The following ACCS variants were observed in gnomAD, a reference collection of about 807,000 sequenced individuals.
ACCS encodes the protein 1-aminocyclopropane-1-carboxylate synthase-like protein 1.
In ACCS, 42 loss-of-function variants were observed where a neutral mutation model predicts 59.8. The ratio of observed to expected loss-of-function variants is 0.70; its 90% CI spans 0.55 to 0.91. The LOEUF is 0.91. ACCS is among the 40% of genes least tolerant of loss of function. ACCS has a pLI of 0.00. For missense variants in ACCS, 602 were observed against 630.4 expected (o/e 0.95, Z 0.48); for synonymous variants, 230 against 240.3 (o/e 0.96, Z 0.40).
intron 2 of ACCS, 89 bp from the exon 3 acceptor site, chr11:44,071,167 C>A: frequency 1.4e-6 from 2 of 1,390,546 alleles, no homozygotes; most frequent in Admixed American, 1.7e-5. Context: ...AGAGCTCCCA[C>A]TTTGCTTTGC....
At chr11:44,080,547 A>G (rs1288853803) in intron 10 of ACCS, 1 of 166,500 alleles carries the variant, frequency 6.0e-6, no homozygotes, top group Non-Finnish European at 1.3e-5. Context: ...GTGAACAAGA[A>G]AGACATAGAC....
At chr11:44,073,194 G>T (rs1953143943) in intron 3 of ACCS, 1 of 525,270 alleles carries the variant, frequency 1.9e-6, no homozygotes, top group East Asian at 3.4e-5. Flanking sequence ...AAGAATGCCA[G>T]ACTAGGAGTC....
intron 9 of ACCS, 114 bp downstream of exon 9, chr11:44,078,898 G>C: frequency 2.4e-6 from 2 of 826,574 alleles, no homozygotes; most frequent in South Asian, 1.7e-5. Context: ...CTACTTGCTT[G>C]GGCCCTTCCT....
At position 44,077,334 on chromosome 11, in the gene ACCS, C is replaced by G. The variant is rs373577650; in HGVS notation, c.612C>G (p.Leu204=). The G allele has an allele frequency of 3.1e-6, 5 of 1,614,206 alleles. No homozygotes were observed. Among genetic ancestry groups the G allele is most frequent in the Non-Finnish European group, 4.2e-6 (5 of 1,180,024 alleles). The change falls in exon 7 of 15, where the codon CTC becomes CTG. Residue 204 remains leucine (L), a synonymous_variant. Transcript: ENST00000263776. ...GCGCTATCACACAGCACGTGTGTCTCTATGGCAACATCCGGCTGGCCTATG... is the reference window on the plus strand; with the variant it reads ...GCGCTATCACACAGCACGTGTGTCTGTATGGCAACATCCGGCTGGCCTATG... The part of the protein sequence containing the change: ...YYGAITQHVC[L]YGNIRLAYVY...
At chr11:44,078,037 G>T in intron 8 of ACCS, 115 bp downstream of exon 8, 1 of 1,327,796 alleles carries the variant, frequency 7.5e-7, no homozygotes, top group Non-Finnish European at 1.0e-6. Context: ...CGGTGATTGG[G>T]ACAGACAGGT....
In ACCS at chr11:44,067,694, G is replaced by A. The variant is rs761751860; in HGVS notation, c.67G>A (p.Asp23Asn). The A allele has an allele frequency of 4.3e-6, 7 of 1,614,190 alleles. No individual in the cohort carries two copies. The highest frequency in any genetic ancestry group is 5.9e-6 in the Non-Finnish European group (7 of 1,180,036). ...TTCLGPTCMQ[D>N]LGSSHGEDLE... Reference sequence around the variant, plus strand: ...CTGTCTGGGCCCCACCTGCATGCAGGACCTGGGCAGTAGCCATGGGGAAGA... The same window carrying A: ...CTGTCTGGGCCCCACCTGCATGCAGAACCTGGGCAGTAGCCATGGGGAAGA... The change falls in exon 2 of 15, where the codon GAC (aspartate) becomes AAC (asparagine). Residue 23 changes from aspartate (D) to asparagine (N), a missense_variant. Asp to Asn is a conservative substitution (Grantham distance 23, BLOSUM62 1). Coordinates refer to ENST00000263776, the MANE Select transcript of ACCS (RefSeq NM_032592.4).
chr11:44,070,420 A>G (rs1024481455), intron 2 of ACCS, among the ~76,000 whole-genome samples: 1 of 152,198 alleles, frequency 6.6e-6, no homozygotes, highest in African/African-American at 2.4e-5. Context: ...GGATGTGTGG[A>G]CAGATTGGCT....
rs1013037679 is a variant in ACCS, at chr11:44,078,838, A to G, written c.833+54A>G. 80 of 1,519,534 alleles carry G rather than the reference A, an allele frequency of 5.3e-5. 1 individual carries two copies. The highest frequency in any genetic ancestry group is 3.7e-4 in the South Asian group (32 of 87,240). 94.1% of individuals were successfully genotyped at this position (1,519,534 alleles called of 1,614,324 possible). On this transcript the variant is annotated intron_variant, in intron 9 of 14. Coordinates refer to ENST00000263776, the MANE Select transcript of ACCS (RefSeq NM_032592.4). Reference sequence around the variant, plus strand: ...AGCGTCTGGGCAGCCTGGGGTTCCAATGCGGGTTTGGTGCAGGTTTTTCTA... The same window carrying G: ...AGCGTCTGGGCAGCCTGGGGTTCCAGTGCGGGTTTGGTGCAGGTTTTTCTA...
Position 44,081,003 on chromosome 11 carries a change from T to A in ACCS, c.924-17T>A. ...TAGTTCTGTGTTGCCTCTGTTCCCA[T>A]GCTGTGCTCTCTGCAGGCTCCCTGA... On this transcript the variant is annotated splice_polypyrimidine_tract_variant and intron_variant, in intron 10 of 14. Coordinates refer to ENST00000263776, the MANE Select transcript of ACCS (RefSeq NM_032592.4). 1 of 1,614,174 alleles carries A rather than the reference T, an allele frequency of 6.2e-7. No homozygotes were observed.
At chr11:44,077,157 A>G (rs1370483649) in intron 6 of ACCS, 122 bp from the exon 7 acceptor site, 10 of 1,092,636 alleles carry the variant, frequency 9.2e-6, no homozygotes, top group Non-Finnish European at 1.3e-5. Flanking sequence ...TTAAGAGTGC[A>G]AGTATGCCCC....
rs1240171166 is a variant in ACCS, at chr11:44,073,528, G to A, written c.419+11G>A. The A allele has an allele frequency of 6.3e-7, 1 of 1,597,816 alleles. No homozygotes were observed. Among genetic ancestry groups the A allele is most frequent in the South Asian group, 1.1e-5 (1 of 88,330 alleles). On this transcript the variant is annotated intron_variant, in intron 4 of 14. Transcript: ENST00000263776. ...GAGGGGACATCTGTTGTAAGTAGTTGCCATAGGGTGAGTTTGTCCCCCTGG... is the reference window on the plus strand; with the variant it reads ...GAGGGGACATCTGTTGTAAGTAGTTACCATAGGGTGAGTTTGTCCCCCTGG...
chr11:44,080,767 A>G (rs905586597), intron 10 of ACCS: 6 of 553,178 alleles, frequency 1.1e-5, no homozygotes. Flanking sequence ...GCTAGGCTCT[A>G]GATCATGGCT....
rs909352193 is a variant in ACCS, at chr11:44,084,023, A to G, written c.*231A>G. ...ATTAAACAAAACTAGGAGAGTCCAT[A>G]TGTCTCCATTGTGAGTTATTTAGAA... is the stretch of plus-strand genomic sequence containing the variant. On this transcript the variant is annotated 3_prime_UTR_variant, in exon 15 of 15. Transcript: ENST00000263776. 2.9e-5 allele frequency: 23 copies of G among 801,054 alleles called. No individual in the cohort carries two copies. The Admixed American group carries it at 6.0e-4, about 21-fold the overall frequency. 49.6% of individuals were successfully genotyped at this position (801,054 alleles called of 1,614,324 possible).
At chr11:44,083,662 A>G in intron 14 of ACCS, 33 bp from the exon 15 acceptor site, 5 of 1,614,170 alleles carry the variant, frequency 3.1e-6, no homozygotes, top group Non-Finnish European at 4.2e-6. Context: ...CGTGGCCATC[A>G]GTGCCAACTG....
Position 44,084,096 on chromosome 11 carries a change from A to C in ACCS, c.*304A>C. ...AACCAGAGCCTCAGCCCCCCTGAGG[A>C]TGTGAAAAGAAAACAAACAACTTGT... On this transcript the variant is annotated 3_prime_UTR_variant, in exon 15 of 15. Transcript: ENST00000263776. 3.2e-6 allele frequency: 1 copy of C among 309,952 alleles called. No individual in the cohort carries two copies. Among genetic ancestry groups the C allele is most frequent in the East Asian group, 6.6e-5 (1 of 15,262 alleles). The allele number at this position is 309,952 out of a possible 1,614,324, so 19.2% of individuals were successfully genotyped here.
chr11:44,078,866 C>T (rs1310056952), intron 9 of ACCS, 82 bp downstream of exon 9: 9 of 1,185,406 alleles, frequency 7.6e-6, no homozygotes, highest in Non-Finnish European at 1.1e-5. Flanking sequence ...TTTTTCTACT[C>T]TCTTGACCCC....
rs542972508 is a variant in ACCS, at chr11:44,075,751, G to A, written c.556+159G>A. On this transcript the variant is annotated intron_variant, in intron 6 of 14. Coordinates refer to ENST00000263776, the MANE Select transcript of ACCS (RefSeq NM_032592.4). ...ATAAGTGGCTTGACAAAGCACCCGG[G>A]GGTCAGCAGTTCCAGGGGAGGTTAG... is the stretch of plus-strand genomic sequence containing the variant. 5.0e-6 allele frequency: 4 copies of A among 796,524 alleles called. No homozygotes were observed. In the African/African-American group the frequency reaches 6.9e-5, roughly 14 times the overall value. 49.3% of individuals were successfully genotyped at this position (796,524 alleles called of 1,614,324 possible). A position where few individuals can be genotyped will look rare whatever the true frequency, so the allele number is the denominator to read the frequency against.
intron 8 of ACCS, 178 bp from the exon 9 acceptor site, chr11:44,078,506 C>G (rs1027094744): frequency 3.7e-6 from 2 of 534,638 alleles, no homozygotes; most frequent in Non-Finnish European, 6.6e-6. Flanking sequence ...CCTTGTCCTC[C>G]GCCTTTATCT....
At chr11:44,072,176 A>ATTTATTTATTTATTTATTTATTT (rs1565172480) in intron 3 of ACCS, 1 of 151,978 alleles carries the variant, frequency 6.6e-6, no homozygotes, top group South Asian at 2.1e-4. Flanking sequence ...TTATTTATTT[A>ATTTATTTATTTATTTATTTATTT]AGATGGAGTC....
Sources: allele counts gnomAD v4.1 joint callset (sites outside exome capture counted in the v4.1 genomes callset), GRCh38; gene constraint gnomAD v4.1.1; transcripts MANE v1.5; gene names NCBI Gene and HGNC (gene_info 2026-07-23, HGNC 2026-07-21).